NFATC3: variants seen among roughly 807,000 people sequenced by gnomAD.
NFATC3 encodes nuclear factor of activated T-cells, cytoplasmic 3.
A neutral mutation model predicts 98.6 loss-of-function variants in NFATC3; 46 were observed. The ratio of observed to expected loss-of-function variants is 0.47; its 90% CI spans 0.37 to 0.60. NFATC3 has a LOEUF of 0.60. Ranked by LOEUF, NFATC3 falls within the 20% of genes least tolerant of loss-of-function variation. NFATC3 has a pLI of 0.00. For synonymous variants in NFATC3, 512 were observed against 472.2 expected (o/e 1.08, Z -1.09); for missense variants, 1,256 against 1,295.5 (o/e 0.97, Z 0.47).
intron 9 of NFATC3, among the ~76,000 whole-genome samples, chr16:68,207,912 G>A (rs1434269440): frequency 7.0e-6 from 1 of 142,872 alleles, no homozygotes; most frequent in Non-Finnish European, 1.5e-5. Context: ...CATCCTACTG[G>A]GTATTAAGTT....
At chr16:68,190,088 A>G (rs2040373300) in intron 8 of NFATC3, among the ~76,000 whole-genome samples, 1 of 152,232 alleles carries the variant, frequency 6.6e-6, no homozygotes, top group Non-Finnish European at 1.5e-5. Context: ...TCAGATGTTT[A>G]TTGCTAGTTT....
chr16:68,131,300 CAG>C (rs145638021), intron 3 of NFATC3, among the ~76,000 whole-genome samples: 1,996 of 152,208 alleles, frequency 0.013, 41 homozygotes, highest in African/African-American at 0.045. Flanking sequence ...TTTTTTGAGA[CAG>C]AGTCTCACTC....
chr16:68,174,981 T>C (rs917726079), intron 6 of NFATC3, among the ~76,000 whole-genome samples: 2 of 152,264 alleles, frequency 1.3e-5, no homozygotes, highest in Non-Finnish European at 2.9e-5. Flanking sequence ...CAAATATTTA[T>C]AGCAACTTTA....
intron 9 of NFATC3, among the ~76,000 whole-genome samples, chr16:68,215,492 G>A (rs2041596816): frequency 6.6e-6 from 1 of 152,236 alleles, no homozygotes; most frequent in Admixed American, 6.5e-5. Context: ...CTTCCCATGT[G>A]TGAAGCAACA....
intron 4 of NFATC3, among the ~76,000 whole-genome samples, chr16:68,163,463 T>C (rs1436881441): frequency 6.7e-6 from 1 of 148,916 alleles, no homozygotes; most frequent in African/African-American, 2.5e-5. Flanking sequence ...GCCCCTCACC[T>C]CCCGGGCGGG....
chr16:68,121,085 A>C (rs2036546849), intron 1 of NFATC3, among the ~76,000 whole-genome samples: 1 of 149,654 alleles, frequency 6.7e-6, no homozygotes, highest in Non-Finnish European at 1.5e-5. Flanking sequence ...GTATTTGTAA[A>C]TGGGCCAAAA....
At chr16:68,166,347 G>T (rs189015726) in intron 4 of NFATC3, among the ~76,000 whole-genome samples, 1 of 152,290 alleles carries the variant, frequency 6.6e-6, no homozygotes, top group East Asian at 1.9e-4. Flanking sequence ...ATCCAAAACG[G>T]CTAGGGTGGC....
chr16:68,179,913 A>G (rs1343127318), intron 6 of NFATC3, among the ~76,000 whole-genome samples: 1 of 152,232 alleles, frequency 6.6e-6, no homozygotes, highest in African/African-American at 2.4e-5. Flanking sequence ...GTATGGGAAC[A>G]TGGCAGTAGG....
At chr16:68,094,051 T>A (rs1331893365) in intron 1 of NFATC3, among the ~76,000 whole-genome samples, 1 of 152,212 alleles carries the variant, frequency 6.6e-6, no homozygotes, top group Non-Finnish European at 1.5e-5. Flanking sequence ...AGTGATACAG[T>A]TAGACCAATA....
rs768228927 is a variant in NFATC3, at chr16:68,112,268, C to CTTTTTTTTT, written c.104-9700_104-9692dup. On this transcript the variant is annotated intron_variant, in intron 1 of 9. Transcript: ENST00000346183. Reference sequence around the variant, plus strand: ...CAGGTACCCCAGTTGTAGGTTCAGTCTTTTTTTTTTTTTTTTTTTTTTTTT... The same window carrying CTTTTTTTTT: ...CAGGTACCCCAGTTGTAGGTTCAGTCTTTTTTTTTTTTTTTTTTTTTTTTTTTTTTTTTT... Among the ~76,000 whole-genome samples the CTTTTTTTTT allele has an allele frequency of 1.3e-4, 10 of 77,424 alleles. 2 individuals are homozygous for CTTTTTTTTT. The highest frequency in any genetic ancestry group is 5.4e-4 in the African/African-American group (10 of 18,690). 50.8% of individuals were successfully genotyped at this position (77,424 alleles called of 152,430 possible).
rs772086008 is a variant in NFATC3 at position 68,226,446 on chromosome 16, A to C, written c.3203A>C (p.Asp1068Ala). The C allele has an allele frequency of 2.6e-6, 4 of 1,557,242 alleles. No homozygotes were observed. The change falls in exon 10 of 10, where the codon GAT becomes GCT. Residue 1068 changes from aspartate (D) to alanine (A), a missense_variant. Around this residue, in one of 3 missense-constraint regions of NFATC3, gnomAD observed 636 missense variants for 617.3 expected, o/e 1.03. Transcript: ENST00000346183. ...CCCCTCCCGAGTCCTGAGTCCCTGG[A>C]TTTAGGAAGATCTGATGGGCTCTAA... ...QAPLPSPESL[D>A]LGRSDGL
chr16:68,104,595 TG>T (rs1567498860), intron 1 of NFATC3, among the ~76,000 whole-genome samples: 1 of 151,794 alleles, frequency 6.6e-6, no homozygotes, highest in African/African-American at 2.4e-5. Context: ...CTTCTTATCT[TG>T]GGGGAAGGCT....
chr16:68,209,879 A>T (rs1444352176), intron 9 of NFATC3: 6 of 253,474 alleles, frequency 2.4e-5, no homozygotes, highest in Non-Finnish European at 4.7e-5. Context: ...TCACAGTCAC[A>T]CTCACTCTGG....
At chr16:68,191,878 T>C in intron 9 of NFATC3, 103 bp downstream of exon 9, 1 of 1,258,790 alleles carries the variant, frequency 7.9e-7, no homozygotes, top group Non-Finnish European at 1.1e-6. Flanking sequence ...TGGCATATGG[T>C]TGGGCTTTTA....
intron 9 of NFATC3, chr16:68,217,777 A>AG: frequency 1.6e-6 from 2 of 1,230,762 alleles, no homozygotes; most frequent in Non-Finnish European, 2.0e-6. Context: ...GATGGGAAAA[A>AG]GGGAGGAAGA....
Position 68,085,388 on chromosome 16 carries a change from C to T in NFATC3, c.-294C>T, listed in dbSNP as rs2034305153. ...GCGCGGCAGGGCGCGAGAGCGCACCCGCGGCGGCGGTGGCGGCGACTGTGG... is the reference window on the plus strand; with the variant it reads ...GCGCGGCAGGGCGCGAGAGCGCACCTGCGGCGGCGGTGGCGGCGACTGTGG... On this transcript the variant is annotated 5_prime_UTR_variant, in exon 1 of 10. Coordinates refer to ENST00000346183, the MANE Select transcript of NFATC3 (RefSeq NM_173165.3). 5.1e-6 allele frequency: 1 copy of T among 196,024 alleles called. No homozygotes were observed. Among genetic ancestry groups the T allele is most frequent in the African/African-American group, 3.0e-5 (1 of 33,708 alleles). 12.1% of individuals were successfully genotyped at this position (196,024 alleles called of 1,614,324 possible).
chr16:68,123,808 AACCGTGTCTCTACAAAAAATAC>A (rs145612099), intron 2 of NFATC3, among the ~76,000 whole-genome samples: 8,636 of 151,772 alleles, frequency 0.057, 326 homozygotes, highest in Non-Finnish European at 0.091. Context: ...GACATGGCAA[AACCGTGTCTCTACAAAAAATAC>A]AAAAATTAGC....
rs376038183 is a variant in NFATC3 at position 68,096,724 on chromosome 16, C to T, written c.103+10940C>T. Reference sequence around the variant, plus strand: ...AGTTCACCAGGTGGCTAAGGGAGGACATAACATTTCAGGCCAGCCGATTAT... The same window carrying T: ...AGTTCACCAGGTGGCTAAGGGAGGATATAACATTTCAGGCCAGCCGATTAT... On this transcript the variant is annotated intron_variant, in intron 1 of 9. Transcript: ENST00000346183. Among the ~76,000 whole-genome samples the T allele has an allele frequency of 4.3e-4, 66 of 152,240 alleles. No individual in the cohort carries two copies. The South Asian group carries it at 0.013, about 29-fold the overall frequency.
At chr16:68,182,613 C>T (rs1381816775) in intron 7 of NFATC3, among the ~76,000 whole-genome samples, 1 of 128,200 alleles carries the variant, frequency 7.8e-6, no homozygotes, top group African/African-American at 2.9e-5. Flanking sequence ...CTCTGCCTCC[C>T]GGGTTCAAGC....
Sources: allele counts gnomAD v4.1 joint callset (sites outside exome capture counted in the v4.1 genomes callset), GRCh38; gene constraint gnomAD v4.1.1; regional missense constraint gnomAD v4.1.1; transcripts MANE v1.5; gene names NCBI Gene and HGNC (gene_info 2026-07-23, HGNC 2026-07-21).